The following SOX6 variants were observed in gnomAD, a reference collection of about 807,000 sequenced individuals.
SOX6 encodes the protein transcription factor SOX-6.
SOX6 carries 11 observed loss-of-function variants against 97.8 expected under a neutral mutation model. The ratio of observed to expected loss-of-function variants is 0.11; its 90% CI spans 0.07 to 0.19. The LOEUF is 0.19. Ranked by LOEUF, SOX6 falls within the 10% of genes least tolerant of loss-of-function variation. The probability of loss-of-function intolerance (pLI) is 1.00; values close to 1 mark genes in which losing one functional copy is unlikely to be tolerated. For synonymous variants in SOX6, 360 were observed against 371.4 expected, an observed-to-expected ratio of 0.97 and a Z score of 0.35; for missense variants, 810 against 1,039.5, an observed-to-expected ratio of 0.78 and a Z score of 3.04.
At chr11:16,217,591 A>G (rs1419186823) in intron 4 of SOX6, among the ~76,000 whole-genome samples, 5 of 152,180 alleles carry the variant, frequency 3.3e-5, no homozygotes, top group East Asian at 1.9e-4. Flanking sequence ...TCACACTCCT[A>G]TAAGTAACCA....
chr11:16,427,426 C>T (rs1254004063), intron 1 of SOX6, among the ~76,000 whole-genome samples: 1 of 151,682 alleles, frequency 6.6e-6, no homozygotes, highest in African/African-American at 2.4e-5. Context: ...GTGTGCCGCA[C>T]CCATTAACTC....
chr11:16,410,005 T>C (rs79037575), intron 1 of SOX6, among the ~76,000 whole-genome samples: 1,825 of 152,126 alleles, frequency 0.012, 35 homozygotes, highest in African/African-American at 0.042. Context: ...TACCAGAGGT[T>C]GGGTGGGGAT....
At chr11:16,174,445 C>T (rs1029948852) in intron 6 of SOX6, among the ~76,000 whole-genome samples, 1 of 151,896 alleles carries the variant, frequency 6.6e-6, no homozygotes. Flanking sequence ...CATTTATTTG[C>T]TGTTATTTTG....
At chr11:16,691,263 T>C (rs1425703626) in intron 3 of SOX6, among the ~76,000 whole-genome samples, 1 of 152,138 alleles carries the variant, frequency 6.6e-6, no homozygotes. Context: ...AAAGAAAAGG[T>C]GACAAAAGTA....
At chr11:16,501,526 C>T (rs1319021648) in intron 4 of SOX6, among the ~76,000 whole-genome samples, 1 of 151,954 alleles carries the variant, frequency 6.6e-6, no homozygotes, top group East Asian at 1.9e-4. Context: ...AACAGGCAAC[C>T]TACAGAATGG....
chr11:16,531,608 T>C lies in SOX6; in HGVS notation n.610-55220A>G, dbSNP rs117655623. 4.0e-3 allele frequency among the ~76,000 whole-genome samples: 603 copies of C among 151,974 alleles called. 15 individuals are homozygous for C. The East Asian group carries it at 0.052, about 13-fold the overall frequency. ...GCTGTCACATGTTGGAATCTGGATA[T>C]AAATCCAGGTCTTCTGAATTAAAAG... On this transcript the variant is annotated intron_variant and non_coding_transcript_variant, in intron 4 of 5. Coordinates refer to the SOX6 transcript ENST00000524520.
rs1414646592 is a variant in SOX6 at position 16,311,980 on chromosome 11, A to C, written c.445+6466T>G. ...AACACATGCTCATTCTTGTGCTGGGAAACAGCTGCATAATCCATTGGAAAG... is the reference window on the plus strand; with the variant it reads ...AACACATGCTCATTCTTGTGCTGGGCAACAGCTGCATAATCCATTGGAAAG... On this transcript the variant is annotated intron_variant, in intron 3 of 15. Coordinates refer to ENST00000683767, the MANE Select transcript of SOX6 (RefSeq NM_001367873.1). 3.1e-4 allele frequency: 47 copies of C among 152,188 alleles called. 1 individual carries two copies. The highest frequency in any genetic ancestry group is 3.0e-3 in the Admixed American group (46 of 15,270). The allele number at this position is 152,188 out of a possible 1,614,324, so 9.4% of individuals were successfully genotyped here.
intron 1 of SOX6, among the ~76,000 whole-genome samples, chr11:16,438,021 A>C (rs1423821289): frequency 1.3e-5 from 2 of 152,114 alleles, no homozygotes; most frequent in Non-Finnish European, 2.9e-5. Flanking sequence ...AGTAAATTTG[A>C]TGTATGAAAC....
chr11:16,499,822 C>T (rs1349159666), intron 4 of SOX6, among the ~76,000 whole-genome samples: 3 of 152,150 alleles, frequency 2.0e-5, no homozygotes. Flanking sequence ...TAATTAATAG[C>T]TTACCAACCA....
intron 3 of SOX6, chr11:16,645,984 C>T (rs1053082476): frequency 1.3e-5 from 2 of 152,070 alleles, no homozygotes; most frequent in Non-Finnish European, 2.9e-5. Context: ...ATCTTATTCT[C>T]ACAGATCTGT....
intron 2 of SOX6, among the ~76,000 whole-genome samples, chr11:16,323,047 C>A (rs1855973088): frequency 6.6e-6 from 1 of 152,182 alleles, no homozygotes; most frequent in African/African-American, 2.4e-5. Flanking sequence ...CTATAAATTT[C>A]TTTTCTTTCA....
chr11:16,383,877 A>G (rs1200715476), intron 1 of SOX6, among the ~76,000 whole-genome samples: 9 of 151,934 alleles, frequency 5.9e-5, no homozygotes, highest in Admixed American at 5.9e-4. Context: ...TTACAGAGAA[A>G]TGACAACTTC....
At chr11:16,431,009 A>AAC (rs1477458628) in intron 1 of SOX6, among the ~76,000 whole-genome samples, 1 of 152,078 alleles carries the variant, frequency 6.6e-6, no homozygotes, top group Admixed American at 6.6e-5. Flanking sequence ...CCTTACTGTT[A>AAC]CTATTCTTCA....
At chr11:16,584,816 A>C (rs1183238109) in intron 4 of SOX6, among the ~76,000 whole-genome samples, 1 of 152,186 alleles carries the variant, frequency 6.6e-6, no homozygotes, top group Non-Finnish European at 1.5e-5. Context: ...TGTGGCCTAG[A>C]AATCTAGTCT....
At chr11:16,263,985 A>G (rs984392369) in intron 3 of SOX6, among the ~76,000 whole-genome samples, 1 of 151,952 alleles carries the variant, frequency 6.6e-6, no homozygotes, top group Admixed American at 6.6e-5. Flanking sequence ...CACTACCCCT[A>G]TACATGCTCA....
intron 1 of SOX6, among the ~76,000 whole-genome samples, chr11:16,348,929 GCATAGGACA>G (rs1409929423): frequency 6.6e-6 from 1 of 151,988 alleles, no homozygotes; most frequent in Admixed American, 6.6e-5. Flanking sequence ...AAATAACCAA[GCATAGGACA>G]CATATCCACA....
chr11:16,413,581 C>T (rs904639881), intron 1 of SOX6, among the ~76,000 whole-genome samples: 6 of 131,522 alleles, frequency 4.6e-5, no homozygotes, highest in Non-Finnish European at 9.2e-5. Flanking sequence ...AGTGCAGTGG[C>T]GTGATCTCGG....
At chr11:16,302,575 T>A (rs1855293832) in intron 3 of SOX6, among the ~76,000 whole-genome samples, 1 of 140,502 alleles carries the variant, frequency 7.1e-6, no homozygotes, top group African/African-American at 2.6e-5. Flanking sequence ...TCTTTTTTTT[T>A]TTTTTTTTTT....
intron 1 of SOX6, among the ~76,000 whole-genome samples, chr11:16,376,173 A>G (rs1857638783): frequency 6.6e-6 from 1 of 152,200 alleles, no homozygotes; most frequent in African/African-American, 2.4e-5. Context: ...AACTTAAAGT[A>G]TAATGATAAT....
Sources: gnomAD v4.1 joint callset for allele counts (sites outside exome capture counted in the v4.1 genomes callset) on GRCh38, gnomAD v4.1.1 for gene constraint, MANE v1.5 for transcripts, NCBI Gene and HGNC (gene_info 2026-07-23, HGNC 2026-07-21) for gene names.